FRMD4B: variants seen among roughly 807,000 people sequenced by gnomAD.
The protein encoded by FRMD4B is FERM domain-containing protein 4B.
Under a neutral mutation model 141.5 loss-of-function variants are expected in FRMD4B, and 74 were observed. The ratio of observed to expected loss-of-function variants is 0.52; its 90% confidence interval spans 0.43 to 0.63. FRMD4B has a LOEUF of 0.63. Ranked by LOEUF, FRMD4B falls within the 30% of genes least tolerant of loss-of-function variation. The pLI is 0.00. For missense variants in FRMD4B, 1,366 were observed against 1,253.4 expected (o/e 1.09, Z -1.36); for synonymous variants, 506 against 467.9 (o/e 1.08, Z -1.05).
At chr3:69,542,180 G>C (rs990118103) in intron 1 of FRMD4B, 3 of 152,072 alleles carry the variant, frequency 2.0e-5, no homozygotes, top group Non-Finnish European at 2.9e-5. Flanking sequence ...GCACGCTTGG[G>C]GAGCCCGGGG....
intron 5 of FRMD4B, 53 bp from the exon 6 acceptor site, chr3:69,250,152 G>T: frequency 8.1e-7 from 1 of 1,229,024 alleles, no homozygotes; most frequent in Middle Eastern, 1.9e-4. Flanking sequence ...CTAGATTGTA[G>T]CAAATGGCTC....
At chr3:69,206,855 T>C (rs970407947) in intron 11 of FRMD4B, among the ~76,000 whole-genome samples, 1 of 3,110 alleles carries the variant, frequency 3.2e-4, no homozygotes, top group African/African-American at 3.4e-4. Context: ...CTTAATACAT[T>C]TTTTTTTGGT....
At position 69,477,181 on chromosome 3, in the gene FRMD4B, T is replaced by C. The variant is rs545130852; in HGVS notation, c.-128-44420A>G. 5.3e-5 allele frequency among the ~76,000 whole-genome samples: 8 copies of C among 152,158 alleles called. No homozygotes were observed. The East Asian group carries it at 5.8e-4, about 11-fold the overall frequency. On this transcript the variant is annotated intron_variant, in intron 1 of 5. Coordinates refer to the FRMD4B transcript ENST00000459638. ...ACAATTTGACTTCCTCTTTTCCTAA[T>C]TGAATACCCTTTATTTCCTTCTCCT...
chr3:69,346,542 A>T (rs1434283205), intron 1 of FRMD4B, among the ~76,000 whole-genome samples: 2 of 152,170 alleles, frequency 1.3e-5, no homozygotes, highest in Non-Finnish European at 2.9e-5. Context: ...GATTCACCAA[A>T]GTTGAAATGA....
rs567214674 is a variant in FRMD4B, at chr3:69,326,288, T to C, written c.163-12771A>G. On this transcript the variant is annotated intron_variant, in intron 1 of 22. Coordinates refer to ENST00000398540, the MANE Select transcript of FRMD4B (RefSeq NM_015123.3). ...ACATTATTAAGACACTAAGCTGTCA[T>C]GTTTAAGTTGACAATCAACCCGCCA... is the stretch of plus-strand genomic sequence containing the variant. 1.1e-4 allele frequency among the ~76,000 whole-genome samples: 16 copies of C among 152,244 alleles called. No individual in the cohort carries two copies. The South Asian group carries it at 3.3e-3, about 32-fold the overall frequency.
intron 7 of FRMD4B, among the ~76,000 whole-genome samples, chr3:69,228,749 A>G (rs918322473): frequency 1.3e-5 from 2 of 151,932 alleles, no homozygotes; most frequent in African/African-American, 2.4e-5. Flanking sequence ...GAAGTGGACC[A>G]CTGGAGTCCA....
upstream of FRMD4B, among the ~76,000 whole-genome samples, chr3:69,390,950 G>A (rs1182318716): frequency 2.6e-5 from 4 of 152,098 alleles, no homozygotes; most frequent in Non-Finnish European, 4.4e-5. Flanking sequence ...CCTCTCACAT[G>A]GCTAGTTGTG....
At chr3:69,223,428 T>C (rs1202485723) in intron 8 of FRMD4B, among the ~76,000 whole-genome samples, 1 of 152,086 alleles carries the variant, frequency 6.6e-6, no homozygotes, top group African/African-American at 2.4e-5. Flanking sequence ...AGCAGGAGAA[T>C]TGCTTGAACC....
At chr3:69,371,516 A>G (rs771921966) in intron 1 of FRMD4B, among the ~76,000 whole-genome samples, 1 of 152,148 alleles carries the variant, frequency 6.6e-6, no homozygotes, top group South Asian at 2.1e-4. Context: ...ACAAAATCGC[A>G]CTGGAGGTGG....
At chr3:69,210,700 A>G (rs2093067472) in intron 11 of FRMD4B, among the ~76,000 whole-genome samples, 1 of 152,194 alleles carries the variant, frequency 6.6e-6, no homozygotes, top group African/African-American at 2.4e-5. Context: ...AAGTGCTCAC[A>G]CATCTCCGAA....
chr3:69,249,292 T>C (rs2093446211), intron 6 of FRMD4B, 44 bp from the exon 7 acceptor site: 5 of 1,376,636 alleles, frequency 3.6e-6, no homozygotes, highest in Non-Finnish European at 2.0e-6. Flanking sequence ...TATGTATCTT[T>C]GTTAAGCTAA....
At chr3:69,456,534 T>TC (rs142899214) in intron 1 of FRMD4B, among the ~76,000 whole-genome samples, 1,790 of 152,228 alleles carry the variant, frequency 0.012, 31 homozygotes, top group African/African-American at 0.041. Flanking sequence ...AGCTGATTTT[T>TC]CTCCATCACA....
rs540896899 is a variant in FRMD4B, at chr3:69,339,513, T to G, written c.163-25996A>C. Among the ~76,000 whole-genome samples the G allele has an allele frequency of 2.0e-5, 3 of 152,266 alleles. No individual in the cohort carries two copies. In the East Asian group the frequency reaches 5.8e-4, roughly 29 times the overall value. ...AATTCGTGGAAAGCACCCAGCACAGTGCGTGGCACTCAGCGTTAGCCATGA... is the reference window on the plus strand; with the variant it reads ...AATTCGTGGAAAGCACCCAGCACAGGGCGTGGCACTCAGCGTTAGCCATGA... On this transcript the variant is annotated intron_variant, in intron 1 of 22. Coordinates refer to ENST00000398540, the MANE Select transcript of FRMD4B (RefSeq NM_015123.3).
chr3:69,222,742 G>A (rs922396154), intron 8 of FRMD4B, among the ~76,000 whole-genome samples: 6 of 151,832 alleles, frequency 4.0e-5, no homozygotes, highest in African/African-American at 7.3e-5. Flanking sequence ...TTGCACTCCA[G>A]CCTGGGCAAC....
At chr3:69,493,389 G>A (rs549635890) in intron 1 of FRMD4B, among the ~76,000 whole-genome samples, 71 of 152,246 alleles carry the variant, frequency 4.7e-4, no homozygotes, top group South Asian at 2.7e-3. Context: ...TGGGGCTTAC[G>A]GCAAACTGGA....
intron 10 of FRMD4B, 78 bp from the exon 11 acceptor site, chr3:69,216,427 C>CT: frequency 6.4e-5 from 39 of 607,642 alleles, no homozygotes; most frequent in Admixed American, 1.2e-4. Context: ...CCAATTTCAC[C>CT]TCTTTTTTTT....
intron 2 of FRMD4B, among the ~76,000 whole-genome samples, chr3:69,420,904 G>A (rs1252756067): frequency 1.3e-5 from 2 of 152,190 alleles, no homozygotes; most frequent in East Asian, 1.9e-4. Flanking sequence ...GTTACCAGAT[G>A]CGCCCTCCCT....
upstream of FRMD4B, among the ~76,000 whole-genome samples, chr3:69,388,778 C>T (rs1272791526): frequency 6.6e-6 from 1 of 152,064 alleles, no homozygotes; most frequent in Admixed American, 6.5e-5. Flanking sequence ...ATCACCATAA[C>T]CCCCCGAATC....
intron 1 of FRMD4B, among the ~76,000 whole-genome samples, chr3:69,537,168 A>G (rs1701100332): frequency 6.6e-6 from 1 of 152,220 alleles, no homozygotes; most frequent in Non-Finnish European, 1.5e-5. Flanking sequence ...AGGCATAGAC[A>G]TTAACCAGGA....
Sources: allele counts gnomAD v4.1 joint callset (sites outside exome capture counted in the v4.1 genomes callset), GRCh38; gene constraint gnomAD v4.1.1; transcripts MANE v1.5; gene names NCBI Gene and HGNC (gene_info 2026-07-23, HGNC 2026-07-21).